ERC1: variants seen among roughly 807,000 people sequenced by gnomAD.
The protein encoded by ERC1 is RAB6 interacting protein 2.
In ERC1, 56 loss-of-function variants were observed where a neutral mutation model predicts 132.0. The ratio of observed to expected loss-of-function variants is 0.42; its 90% CI spans 0.34 to 0.53. The LOEUF (loss-of-function observed/expected upper bound fraction) is 0.53. ERC1 is among the 20% of genes least tolerant of loss of function. ERC1 has a pLI of 0.03. For missense variants in ERC1, 1,202 were observed against 1,349.9 expected (o/e 0.89, Z 1.72); for synonymous variants, 478 against 476.1 (o/e 1.00, Z -0.05).
Position 1,494,589 on chromosome 12 carries a change from T to C in ERC1, c.*4359T>C. The C allele has an allele frequency of 4.3e-6, 1 of 230,930 alleles. No individual in the cohort carries two copies. The highest frequency in any genetic ancestry group is 8.6e-6 in the Non-Finnish European group (1 of 116,574). The allele number at this position is 230,930 out of a possible 1,614,324, so 14.3% of individuals were successfully genotyped here. On this transcript the variant is annotated 3_prime_UTR_variant, in exon 19 of 19. Transcript: ENST00000360905. ...CTGTCTCCTGATTTTTTCCAATGTGTTTGGCAAGTGCTGTGGCCCTGTTGT... is the reference window on the plus strand; with the variant it reads ...CTGTCTCCTGATTTTTTCCAATGTGCTTGGCAAGTGCTGTGGCCCTGTTGT...
At chr12:1,468,864 A>G (rs1249024371) in intron 18 of ERC1, among the ~76,000 whole-genome samples, 2 of 152,228 alleles carry the variant, frequency 1.3e-5, no homozygotes, top group Non-Finnish European at 2.9e-5. Flanking sequence ...CAGAGTTAGA[A>G]CTAGACATTT....
intron 1 of ERC1, among the ~76,000 whole-genome samples, chr12:993,986 T>C (rs1013407202): frequency 6.8e-6 from 1 of 146,636 alleles, no homozygotes; most frequent in African/African-American, 2.5e-5. Flanking sequence ...GGAGAATTGC[T>C]TGAACCTGGG....
At chr12:1,365,299 G>A (rs546917886) in intron 15 of ERC1, among the ~76,000 whole-genome samples, 18 of 151,814 alleles carry the variant, frequency 1.2e-4, no homozygotes, top group Non-Finnish European at 2.2e-4. Context: ...TACGTGCTCT[G>A]CTCACTTGCC....
At chr12:1,057,027 T>TA (rs1381109171) in intron 2 of ERC1, among the ~76,000 whole-genome samples, 4 of 152,200 alleles carry the variant, frequency 2.6e-5, no homozygotes, top group Non-Finnish European at 4.4e-5. Context: ...ATGGTCTACA[T>TA]AGGTGATGTT....
chr12:1,263,285 T>C lies in ERC1; in HGVS notation c.2619+120T>C. The C allele has an allele frequency of 5.4e-6, 5 of 925,172 alleles. No homozygotes were observed. In the South Asian group the frequency reaches 9.9e-5, roughly 18 times the overall value. 57.3% of individuals were successfully genotyped at this position (925,172 alleles called of 1,614,324 possible). A position where few individuals can be genotyped will look rare whatever the true frequency, so the allele number is the denominator to read the frequency against. On this transcript the variant is annotated intron_variant, in intron 14 of 18. Transcript: ENST00000360905. ...TTTATAGGGTTTCAAAAACACTTCATAGAGGAGAAGTCCCAAGGAGTTCCT... is the reference window on the plus strand; with the variant it reads ...TTTATAGGGTTTCAAAAACACTTCACAGAGGAGAAGTCCCAAGGAGTTCCT...
rs974596951 is a variant in ERC1 at position 1,166,254 on chromosome 12, A to G, written c.1738-14286A>G. ...GGGTCTTTCTCGTGCTGTTCTTGCA[A>G]TAGTGAATAAGTCTCACGAGATCTG... On this transcript the variant is annotated intron_variant, in intron 8 of 18. Transcript: ENST00000360905. Among the ~76,000 whole-genome samples the G allele has an allele frequency of 7.2e-5, 11 of 152,274 alleles. 1 individual carries two copies. Among genetic ancestry groups the G allele is most frequent in the Admixed American group, 2.6e-4 (4 of 15,306 alleles).
chr12:1,269,047 G>A (rs1566440094), intron 14 of ERC1, among the ~76,000 whole-genome samples: 2 of 152,156 alleles, frequency 1.3e-5, no homozygotes, highest in South Asian at 2.1e-4. Context: ...AAGAACAATA[G>A]TTATTATTAG....
intron 2 of ERC1, among the ~76,000 whole-genome samples, chr12:1,051,402 A>C (rs567900364): frequency 6.6e-6 from 1 of 152,252 alleles, no homozygotes; most frequent in South Asian, 2.1e-4. Context: ...AGAAATAAAG[A>C]AGACTGGCTG....
At chr12:1,070,172 TTTACC>T (rs1385276068) in intron 2 of ERC1, among the ~76,000 whole-genome samples, 5 of 152,224 alleles carry the variant, frequency 3.3e-5, no homozygotes, top group Admixed American at 3.3e-4. Flanking sequence ...AACCTTCTGT[TTTACC>T]TTAAGAATGT....
intron 18 of ERC1, among the ~76,000 whole-genome samples, chr12:1,472,196 T>A (rs1425371139): frequency 6.6e-6 from 1 of 152,248 alleles, no homozygotes; most frequent in African/African-American, 2.4e-5. Context: ...ATAGATTCAC[T>A]AGAAATCTTA....
chr12:1,411,643 G>A (rs954643182), intron 17 of ERC1, among the ~76,000 whole-genome samples: 3 of 152,158 alleles, frequency 2.0e-5, no homozygotes, highest in African/African-American at 7.2e-5. Flanking sequence ...CACTGGACAA[G>A]GGTAGGTATT....
chr12:1,187,985 G>C (rs1264690515), intron 11 of ERC1, among the ~76,000 whole-genome samples: 1 of 152,222 alleles, frequency 6.6e-6, no homozygotes, highest in Non-Finnish European at 1.5e-5. Flanking sequence ...AGACCTCAAA[G>C]TAAGGACTCA....
chr12:1,079,196 T>A (rs1941834017), intron 2 of ERC1, among the ~76,000 whole-genome samples: 1 of 147,988 alleles, frequency 6.8e-6, no homozygotes. Flanking sequence ...ATGACAAAAG[T>A]CGATATACAG....
intron 8 of ERC1, among the ~76,000 whole-genome samples, chr12:1,163,375 C>T (rs1233510790): frequency 6.6e-6 from 1 of 152,084 alleles, no homozygotes; most frequent in Non-Finnish European, 1.5e-5. Flanking sequence ...TAACAAAATA[C>T]CCCCTCATCC....
At chr12:1,340,547 A>G (rs919366497) in intron 15 of ERC1, among the ~76,000 whole-genome samples, 1 of 151,990 alleles carries the variant, frequency 6.6e-6, no homozygotes, top group Non-Finnish European at 1.5e-5. Context: ...CGTGAGTACA[A>G]CTCGCTCATT....
intron 15 of ERC1, among the ~76,000 whole-genome samples, chr12:1,343,752 G>A (rs1363405529): frequency 6.6e-6 from 1 of 152,048 alleles, no homozygotes; most frequent in Non-Finnish European, 1.5e-5. Context: ...GTGACTGCAG[G>A]ACTTTCCTTT....
At chr12:1,301,392 A>C (rs2080388295) in intron 15 of ERC1, among the ~76,000 whole-genome samples, 1 of 152,228 alleles carries the variant, frequency 6.6e-6, no homozygotes, top group East Asian at 1.9e-4. Context: ...ACTGTTCTCA[A>C]TAACAAAGAC....
chr12:1,126,343 G>A (rs1373927012), intron 7 of ERC1, among the ~76,000 whole-genome samples: 1 of 143,752 alleles, frequency 7.0e-6, no homozygotes, highest in Non-Finnish European at 1.5e-5. Context: ...CAGGGAGTGT[G>A]AAATCAGAAA....
At chr12:1,427,920 A>C (rs2092687175) in intron 17 of ERC1, among the ~76,000 whole-genome samples, 1 of 152,230 alleles carries the variant, frequency 6.6e-6, no homozygotes, top group Non-Finnish European at 1.5e-5. Context: ...CCTTTTACTT[A>C]ATGTATTTTA....
Sources: allele counts gnomAD v4.1 joint callset (sites outside exome capture counted in the v4.1 genomes callset), GRCh38; gene constraint gnomAD v4.1.1; transcripts MANE v1.5; gene names NCBI Gene and HGNC (gene_info 2026-07-23, HGNC 2026-07-21).